PCDHA4: variants seen among roughly 807,000 people sequenced by gnomAD.
PCDHA4 encodes the protein protocadherin alpha 4.
A neutral mutation model predicts 61.4 loss-of-function variants in PCDHA4; 49 were observed. The ratio of observed to expected loss-of-function variants is 0.80; its 90% confidence interval spans 0.63 to 1.01. PCDHA4 has a LOEUF of 1.01. PCDHA4 is among the 50% of genes least tolerant of loss of function. The probability of loss-of-function intolerance (pLI) is 0.00; values close to 1 mark genes in which losing one functional copy is unlikely to be tolerated. For synonymous variants in PCDHA4, 590 were observed against 550.3 expected (o/e 1.07, Z -1.01); for missense variants, 1,254 against 1,235.8 (o/e 1.01, Z -0.22).
intron 1 of PCDHA4, among the ~76,000 whole-genome samples, chr5:140,873,502 T>C (rs1554166743): frequency 3.3e-5 from 5 of 152,346 alleles, no homozygotes; most frequent in Non-Finnish European, 7.3e-5. Context: ...AGTTGTGTCT[T>C]TTATACTTAA....
intron 1 of PCDHA4, chr5:140,861,856 A>G (rs1225378019): frequency 1.3e-5 from 2 of 156,674 alleles, no homozygotes; most frequent in Admixed American, 1.3e-4. Context: ...TGGTGCTCAA[A>G]GCAACTGATG....
At chr5:140,914,030 G>T (rs2076568173) in intron 1 of PCDHA4, among the ~76,000 whole-genome samples, 1 of 152,298 alleles carries the variant, frequency 6.6e-6, no homozygotes, top group East Asian at 1.9e-4. Flanking sequence ...CACGTGCTGA[G>T]AAGAATGTGT....
In PCDHA4 at chr5:140,830,599, CAT is replaced by C. The variant is rs1289049837; in HGVS notation, c.2385+21030_2385+21031del. On this transcript the variant is annotated intron_variant, in intron 1 of 3. Coordinates refer to ENST00000530339, the MANE Select transcript of PCDHA4 (RefSeq NM_018907.4). ...ATTTTTAATTAATTTTACAAAATTA[CAT>C]ATTTTCATTTTATTGTGTTTCTTAT... The C allele has an allele frequency of 6.0e-6, 4 of 668,838 alleles. No individual in the cohort carries two copies. The African/African-American group carries it at 7.6e-5, about 13-fold the overall frequency. The allele number at this position is 668,838 out of a possible 1,614,324, so 41.4% of individuals were successfully genotyped here. A position where few individuals can be genotyped will look rare whatever the true frequency, so the allele number is the denominator to read the frequency against.
At chr5:140,941,255 C>CTTTCTT (rs782490896) in intron 1 of PCDHA4, among the ~76,000 whole-genome samples, 957 of 44,428 alleles carry the variant, frequency 0.022, 12 homozygotes, top group African/African-American at 0.028. Flanking sequence ...TTCTTTCTTT[C>CTTTCTT]TCTTTCTTTC....
intron 1 of PCDHA4, chr5:140,854,600 A>G (rs1474878225): frequency 6.7e-6 from 1 of 149,994 alleles, no homozygotes; most frequent in African/African-American, 2.4e-5. Flanking sequence ...GTTTAAAGTA[A>G]TTGACACATT....
chr5:140,835,834 C>G, intron 1 of PCDHA4: 2 of 1,612,284 alleles, frequency 1.2e-6, no homozygotes, highest in Non-Finnish European at 1.7e-6. Flanking sequence ...GACGCGGACG[C>G]GCAGAAGAAC....
rs139246893 is a variant in PCDHA4 at position 140,808,648 on chromosome 5, C to T, written c.1461C>T (p.Asn487=). Residue 487 remains asparagine, a synonymous_variant, in exon 1 of 4, where the codon AAC becomes AAT. Coordinates refer to ENST00000530339, the MANE Select transcript of PCDHA4 (RefSeq NM_018907.4). Reference sequence around the variant, plus strand: ...CGTGGGACGCGGACGCGCAGGAGAACGCGCTGGTGTCCTACTCGCTGGTAG... The same window carrying T: ...CGTGGGACGCGGACGCGCAGGAGAATGCGCTGGTGTCCTACTCGCTGGTAG... ...VSAWDADAQE[N]ALVSYSLVER... 1.2e-5 allele frequency: 19 copies of T among 1,613,212 alleles called. No individual in the cohort carries two copies. In the African/African-American group the frequency reaches 2.5e-4, roughly 22 times the overall value.
intron 3 of PCDHA4, among the ~76,000 whole-genome samples, chr5:140,982,824 GGTTT>G (rs74513655): frequency 0.037 from 5,640 of 152,044 alleles, 162 homozygotes; most frequent in Non-Finnish European, 0.055. Flanking sequence ...AAGTTTTTGG[GGTTT>G]GTTTGTTTGT....
At chr5:140,979,865 G>C (rs2096867408) in intron 2 of PCDHA4, among the ~76,000 whole-genome samples, 1 of 152,162 alleles carries the variant, frequency 6.6e-6, no homozygotes, top group Non-Finnish European at 1.5e-5. Flanking sequence ...CAAAATATCT[G>C]GGCAACTATC....
chr5:140,968,727 G>A, intron 1 of PCDHA4: 1 of 1,614,162 alleles, frequency 6.2e-7, no homozygotes, highest in Admixed American at 1.7e-5. Context: ...GAGAGTGGTA[G>A]CACTTTCAAC....
chr5:140,869,998 G>A (rs782322898), intron 1 of PCDHA4: 1 of 1,613,436 alleles, frequency 6.2e-7, no homozygotes. Context: ...TCAAAATAAT[G>A]GAGAAGTGAG....
intron 1 of PCDHA4, among the ~76,000 whole-genome samples, chr5:140,918,353 C>T (rs557694814): frequency 4.6e-5 from 7 of 152,236 alleles, no homozygotes; most frequent in African/African-American, 1.7e-4. Context: ...AGGTTGACTT[C>T]CTCTCTGCCT....
intron 1 of PCDHA4, among the ~76,000 whole-genome samples, chr5:140,931,201 A>G (rs1444701917): frequency 2.6e-5 from 4 of 152,176 alleles, no homozygotes; most frequent in Admixed American, 2.6e-4. Context: ...CTACAATGCT[A>G]GTATTTCAGG....
At chr5:140,822,349 G>A (rs2150115734) in intron 1 of PCDHA4, 3 of 1,614,156 alleles carry the variant, frequency 1.9e-6, no homozygotes, top group Admixed American at 3.3e-5. Flanking sequence ...GAACTTTTTA[G>A]AGCTGGTTTT....
chr5:140,858,147 T>C, intron 1 of PCDHA4: 1 of 1,597,630 alleles, frequency 6.3e-7, no homozygotes, highest in Non-Finnish European at 8.6e-7. Flanking sequence ...TACCTGATCA[T>C]CGCCATCTGC....
chr5:140,856,112 G>A (rs782115498), intron 1 of PCDHA4: 1 of 1,598,078 alleles, frequency 6.3e-7, no homozygotes, highest in African/African-American at 1.3e-5. Flanking sequence ...TCTCCTCGCA[G>A]CCTGGGAGGT....
chr5:140,903,713 A>G (rs1391210068), intron 1 of PCDHA4, among the ~76,000 whole-genome samples: 1 of 152,206 alleles, frequency 6.6e-6, no homozygotes, highest in Non-Finnish European at 1.5e-5. Flanking sequence ...TAAAATATAC[A>G]ATTCTCCCTA....
intron 1 of PCDHA4, chr5:140,967,059 C>A (rs2153750398): frequency 6.2e-7 from 1 of 1,612,750 alleles, no homozygotes; most frequent in Non-Finnish European, 8.5e-7. Context: ...ACGAGTGGAG[C>A]GCTCTTCGTC....
chr5:140,870,179 G>A, intron 1 of PCDHA4: 1 of 1,614,104 alleles, frequency 6.2e-7, no homozygotes, highest in South Asian at 1.1e-5. Context: ...CTCCCAGTAC[G>A]AGAGGACGCT....
Sources: allele counts gnomAD v4.1 joint callset (sites outside exome capture counted in the v4.1 genomes callset), GRCh38; gene constraint gnomAD v4.1.1; transcripts MANE v1.5; gene names NCBI Gene and HGNC (gene_info 2026-07-23, HGNC 2026-07-21).